The following IQSEC1 variants were observed in gnomAD, a reference collection of about 807,000 sequenced individuals.
IQSEC1 encodes the protein IQ motif and Sec7 domain ArfGEF 1.
A neutral mutation model predicts 91.0 loss-of-function variants in IQSEC1; 31 were observed. The observed-to-expected ratio is 0.34, with a 90% confidence interval of 0.26 to 0.46. IQSEC1 has a LOEUF of 0.46. Among genes scored for constraint, IQSEC1 ranks in the 20% least tolerant of loss-of-function variants. IQSEC1 has a pLI of 1.00. For missense variants in IQSEC1, 1,388 were observed against 1,575.6 expected, an observed-to-expected ratio of 0.88 and a Z score of 2.02; for synonymous variants, 699 against 662.6, an observed-to-expected ratio of 1.05 and a Z score of -0.84.
chr3:13,149,355 C>G (rs1333806037), intron 2 of IQSEC1, among the ~76,000 whole-genome samples: 1 of 149,972 alleles, frequency 6.7e-6, no homozygotes, highest in Non-Finnish European at 1.5e-5. Flanking sequence ...TCCCCACAGA[C>G]AGGCTGCTCC....
Position 13,073,054 on chromosome 3 carries a change from C to CA in IQSEC1, c.-41dup. ...TTCTTCCCTGTTCTGGCTCCCTCTC[C>CA]AGCGGGGAGGCTCAACGTGTTTCCA... On this transcript the variant is annotated 5_prime_UTR_variant, in exon 1 of 14. Coordinates refer to ENST00000613206, the MANE Select transcript of IQSEC1 (RefSeq NM_001134382.3). 1 of 1,551,594 alleles carries CA rather than the reference C, an allele frequency of 6.4e-7. No individual in the cohort carries two copies. The highest frequency in any genetic ancestry group is 1.2e-5 in the South Asian group (1 of 84,052).
chr3:13,210,694 T>C (rs1417319774), intron 1 of IQSEC1, among the ~76,000 whole-genome samples: 2 of 151,876 alleles, frequency 1.3e-5, no homozygotes, highest in African/African-American at 4.8e-5. Flanking sequence ...TGAGTTTTCC[T>C]AAGAAGGAGA....
chr3:12,924,479 G>C lies in IQSEC1; in HGVS notation c.1730+102C>G. The C allele has an allele frequency of 8.1e-7, 1 of 1,230,628 alleles. No homozygotes were observed. Among genetic ancestry groups the C allele is most frequent in the South Asian group, 1.6e-5 (1 of 63,500 alleles). The allele number at this position is 1,230,628 out of a possible 1,614,324, so 76.2% of individuals were successfully genotyped here. The stretch of plus-strand genomic sequence containing the variant: ...AAAGGGGGGCCCACCACATGTCCCA[G>C]CAAGTAGGGTGGGCCTGGCCCTGTG... On this transcript the variant is annotated intron_variant, in intron 4 of 13. Transcript: ENST00000613206. This position sits in a 1 kb window ranked among gnomAD's most constrained non-coding sequence, Gnocchi z 6.3.
At chr3:13,248,105 C>T (rs1695137913) in intron 1 of IQSEC1, among the ~76,000 whole-genome samples, 1 of 152,204 alleles carries the variant, frequency 6.6e-6, no homozygotes, top group Admixed American at 6.5e-5. Flanking sequence ...CCTCAGAGGG[C>T]TGCAAAGCTG....
rs1696723573 is a variant in IQSEC1, at chr3:12,922,472, T to C, written c.1731-230A>G. ...GGAACTGTAGGGAAGCGCGTGTGCC[T>C]ATATTTATGCTGGCAGTTTTCCCAG... On this transcript the variant is annotated intron_variant, in intron 4 of 13. Transcript: ENST00000613206. The surrounding 1 kb of genome is among the most constrained non-coding windows in gnomAD (Gnocchi z 5.1). Among the ~76,000 whole-genome samples, 1 of 152,184 alleles carries C rather than the reference T, an allele frequency of 6.6e-6. No homozygotes were observed. Among genetic ancestry groups the C allele is most frequent in the South Asian group, 2.1e-4 (1 of 4,822 alleles).
chr3:12,974,798 C>T (rs552062934), intron 1 of IQSEC1, among the ~76,000 whole-genome samples: 7 of 151,266 alleles, frequency 4.6e-5, no homozygotes, highest in East Asian at 1.9e-4. Flanking sequence ...TGGTAGGTGG[C>T]GCAGGGAGCC....
chr3:13,112,515 C>T (rs1263480736), intron 2 of IQSEC1, among the ~76,000 whole-genome samples: 1 of 152,272 alleles, frequency 6.6e-6, no homozygotes, highest in Non-Finnish European at 1.5e-5. Context: ...CTGCCCAGCC[C>T]TGAGAGCCAG....
At chr3:13,144,374 G>C (rs1706852023) in intron 2 of IQSEC1, among the ~76,000 whole-genome samples, 1 of 152,166 alleles carries the variant, frequency 6.6e-6, no homozygotes, top group Admixed American at 6.5e-5. Flanking sequence ...GGAGACTCAT[G>C]GCAGCCACCC....
chr3:13,082,067 G>A (rs1705654238), intron 2 of IQSEC1, among the ~76,000 whole-genome samples: 1 of 152,224 alleles, frequency 6.6e-6, no homozygotes, highest in South Asian at 2.1e-4. Context: ...TCCTTGAGTG[G>A]AAGCAGTGGC....
chr3:13,182,332 AT>A (rs1290985415), intron 1 of IQSEC1, among the ~76,000 whole-genome samples: 1 of 152,228 alleles, frequency 6.6e-6, no homozygotes, highest in African/African-American at 2.4e-5. Context: ...TGGACATGTA[AT>A]TAATCCATTC....
intron 1 of IQSEC1, among the ~76,000 whole-genome samples, chr3:13,255,212 G>A (rs1034592360): frequency 1.3e-5 from 2 of 152,214 alleles, no homozygotes; most frequent in Non-Finnish European, 2.9e-5. Context: ...CCCAAGGGAG[G>A]GGAGCCACTG....
intron 2 of IQSEC1, among the ~76,000 whole-genome samples, chr3:13,115,663 CCT>C (rs943513076): frequency 2.0e-5 from 3 of 152,234 alleles, no homozygotes; most frequent in African/African-American, 7.2e-5. Context: ...CGTTCTGGCC[CCT>C]GTCACTTGTC....
In IQSEC1 at chr3:13,214,841, T is replaced by C. The variant is rs142724474; in HGVS notation, c.273-50708A>G. Among the ~76,000 whole-genome samples the C allele has an allele frequency of 0.01, 1,533 of 152,304 alleles. 18 individuals are homozygous for C. The highest frequency in any genetic ancestry group is 0.034 in the African/African-American group (1,425 of 41,566). The stretch of plus-strand genomic sequence containing the variant: ...TTTCTGTGTAAAGAGCAAGAGCAGG[T>C]CCCAGTGTTTGCAGCTGAGCGCCAG... On this transcript the variant is annotated intron_variant, in intron 1 of 15. Transcript: ENST00000648114. The surrounding 1 kb of genome is among the most constrained non-coding windows in gnomAD (Gnocchi z 4.5).
chr3:13,191,142 G>C (rs151109538), intron 1 of IQSEC1, among the ~76,000 whole-genome samples: 186 of 152,290 alleles, frequency 1.2e-3, no homozygotes, highest in Middle Eastern at 3.4e-3. Flanking sequence ...ATCCTCCCTC[G>C]ATTTGACACT....
chr3:13,038,908 A>T lies in IQSEC1; in HGVS notation c.23+34084T>A, dbSNP rs1472976144. The stretch of plus-strand genomic sequence containing the variant: ...ACTTACTATGTACCTACAGCAATTT[A>T]AAAAAATGTGCATGGGAAATCTACA... On this transcript the variant is annotated intron_variant, in intron 1 of 13. Transcript: ENST00000613206. Among the ~76,000 whole-genome samples, 7 of 151,382 alleles carry T rather than the reference A, an allele frequency of 4.6e-5. No homozygotes were observed. The East Asian group carries it at 1.2e-3, about 25-fold the overall frequency.
chr3:12,903,938 A>G (rs535742106), intron 12 of IQSEC1, among the ~76,000 whole-genome samples: 1 of 152,248 alleles, frequency 6.6e-6, no homozygotes, highest in Admixed American at 6.5e-5. Context: ...TCACACCCAG[A>G]CCTGCTCACC....
intron 1 of IQSEC1, among the ~76,000 whole-genome samples, chr3:13,174,013 C>T (rs145514137): frequency 6.6e-6 from 1 of 152,130 alleles, no homozygotes. Context: ...CTAGGAGAGG[C>T]GGCCAAGACA....
At chr3:12,986,151 C>A (rs191458095) in intron 1 of IQSEC1, among the ~76,000 whole-genome samples, 3 of 152,210 alleles carry the variant, frequency 2.0e-5, no homozygotes, top group African/African-American at 7.2e-5. Context: ...TGGACCCCTG[C>A]GCCCAGGTCA....
chr3:13,172,027 T>G (rs1008464823), intron 1 of IQSEC1, among the ~76,000 whole-genome samples: 16 of 152,118 alleles, frequency 1.1e-4, no homozygotes, highest in African/African-American at 3.6e-4. Context: ...GCGGTGAGTC[T>G]AAGCAGGCCC....
Sources: allele counts gnomAD v4.1 joint callset (sites outside exome capture counted in the v4.1 genomes callset), GRCh38; gene constraint gnomAD v4.1.1; non-coding constraint Gnocchi (gnomAD v3.1); transcripts MANE v1.5; gene names NCBI Gene and HGNC (gene_info 2026-07-23, HGNC 2026-07-21).